FILIP1: variants seen among roughly 807,000 people sequenced by gnomAD.
FILIP1 encodes the protein filamin-A-interacting protein 1.
A neutral mutation model predicts 102.1 loss-of-function variants in FILIP1; 61 were observed. The ratio of observed to expected loss-of-function variants is 0.60; its 90% CI spans 0.49 to 0.74. The LOEUF is 0.74. Among genes scored for constraint, FILIP1 ranks in the 30% least tolerant of loss-of-function variants. FILIP1 has a pLI of 0.00. For missense variants in FILIP1, 1,314 were observed against 1,441.2 expected, an observed-to-expected ratio of 0.91 and a Z score of 1.43; for synonymous variants, 491 against 526.9, an observed-to-expected ratio of 0.93 and a Z score of 0.93.
Position 75,313,598 on chromosome 6 carries a change from T to C in FILIP1, c.2234A>G (p.Gln745Arg). The C allele has an allele frequency of 1.2e-6, 2 of 1,610,910 alleles. No homozygotes were observed. Among genetic ancestry groups the C allele is most frequent in the Non-Finnish European group, 8.5e-7 (1 of 1,179,184 alleles). ...MNKEDQLSQL[Q>R]VDYSVLQQRF... ...TTGTTGAAGTACAGAATAATCTACC[T>C]GGAGCTGAGAAAGCTGATCTTCTTT... Residue 745 changes from glutamine (Q) to arginine (R), a missense_variant, in exon 5 of 6, where the codon CAG becomes CGG. Gln to Arg is a conservative substitution (Grantham distance 43). Coordinates refer to ENST00000237172, the MANE Select transcript of FILIP1 (RefSeq NM_015687.5). The surrounding 1 kb of genome is among the most constrained non-coding windows in gnomAD (Gnocchi z 4.2).
chr6:75,300,390 G>T (rs1424399333), intron 6 of FILIP1, among the ~76,000 whole-genome samples: 1 of 152,180 alleles, frequency 6.6e-6, no homozygotes, highest in African/African-American at 2.4e-5. Flanking sequence ...TCTGCCTAGA[G>T]GTACCAGCTT....
At chr6:75,445,369 T>A (rs1778410236) in intron 1 of FILIP1, among the ~76,000 whole-genome samples, 1 of 152,038 alleles carries the variant, frequency 6.6e-6, no homozygotes, top group Non-Finnish European at 1.5e-5. Context: ...GTCCTACTGA[T>A]CTCTCTTCCC....
intron 2 of FILIP1, among the ~76,000 whole-genome samples, chr6:75,369,339 C>T (rs1238415399): frequency 6.6e-6 from 1 of 152,078 alleles, no homozygotes; most frequent in African/African-American, 2.4e-5. Context: ...CAGGACAGTC[C>T]CAGGCAAACC....
At chr6:75,303,785 G>GGATA (rs373392306), downstream of FILIP1, among the ~76,000 whole-genome samples, 173 of 151,762 alleles carry the variant, frequency 1.1e-3, no homozygotes, top group Middle Eastern at 0.01. Flanking sequence ...GAGAGAGAGA[G>GGATA]GATAGATAGA....
intron 2 of FILIP1, among the ~76,000 whole-genome samples, chr6:75,384,194 AT>A (rs1438073247): frequency 2.0e-5 from 3 of 152,220 alleles, no homozygotes; most frequent in Non-Finnish European, 2.9e-5. Flanking sequence ...TACAAAAAAA[AT>A]TCCAAGGAAA....
intron 2 of FILIP1, among the ~76,000 whole-genome samples, chr6:75,400,549 A>C (rs1013225005): frequency 6.6e-6 from 1 of 152,190 alleles, no homozygotes; most frequent in Non-Finnish European, 1.5e-5. Context: ...GGAGAAGGTT[A>C]GAAAAAGGTG....
At chr6:75,309,735 T>A (rs934048284) in intron 5 of FILIP1, among the ~76,000 whole-genome samples, 1 of 152,192 alleles carries the variant, frequency 6.6e-6, no homozygotes, top group Non-Finnish European at 1.5e-5. Flanking sequence ...TTTCTCATCT[T>A]ATTCTCCCAG....
rs936453215 is a variant in FILIP1, at chr6:75,493,646, A to C, written c.-239T>G. 1 of 152,222 alleles carries C rather than the reference A, an allele frequency of 6.6e-6. No individual in the cohort carries two copies. The highest frequency in any genetic ancestry group is 1.5e-5 in the Non-Finnish European group (1 of 68,038). The allele number at this position is 152,222 out of a possible 1,614,324, so 9.4% of individuals were successfully genotyped here. A position where few individuals can be genotyped will look rare whatever the true frequency, so the allele number is the denominator to read the frequency against. On this transcript the variant is annotated 5_prime_UTR_variant, in exon 1 of 6. The change creates a new upstream start codon in the 5' untranslated region. Transcript: ENST00000237172. ...AGGGAAAGCAGCTTCTTCTCCCTGA[A>C]ATCCCGATCAGCAGAAATTGGAAGT... is the stretch of plus-strand genomic sequence containing the variant.
chr6:75,347,191 G>T (rs1438133632), intron 4 of FILIP1, among the ~76,000 whole-genome samples: 1 of 152,174 alleles, frequency 6.6e-6, no homozygotes, highest in African/African-American at 2.4e-5. Context: ...AAAAAACTCA[G>T]TTCAAACCCT....
intron 4 of FILIP1, chr6:75,319,510 G>C: frequency 1.7e-6 from 1 of 583,048 alleles, no homozygotes; most frequent in South Asian, 1.4e-5. Context: ...CAGCAGACAT[G>C]GTCTTCTACC....
intron 1 of FILIP1, among the ~76,000 whole-genome samples, chr6:75,433,587 G>C (rs1777904433): frequency 6.6e-6 from 1 of 152,080 alleles, no homozygotes; most frequent in Non-Finnish European, 1.5e-5. Context: ...TTTGTAAGAT[G>C]GATAGATTCT....
chr6:75,380,544 TA>T, intron 2 of FILIP1, among the ~76,000 whole-genome samples: 1 of 152,164 alleles, frequency 6.6e-6, no homozygotes, highest in Non-Finnish European at 1.5e-5. Context: ...CATATGACTC[TA>T]AAAAGTAACT....
chr6:75,400,241 C>T lies in FILIP1; in HGVS notation c.276+14456G>A, dbSNP rs1478523572. On this transcript the variant is annotated intron_variant, in intron 2 of 5. Transcript: ENST00000237172. Reference sequence around the variant, plus strand: ...AACCCTTTGCATTTAACATGCAATACTTTAGAAAAAAATTGAACTGGAAAT... The same window carrying T: ...AACCCTTTGCATTTAACATGCAATATTTTAGAAAAAAATTGAACTGGAAAT... 2.0e-5 allele frequency among the ~76,000 whole-genome samples: 3 copies of T among 152,082 alleles called. No individual in the cohort carries two copies. In the East Asian group the frequency reaches 5.8e-4, roughly 29 times the overall value.
At chr6:75,489,435 G>A (rs117339665) in intron 1 of FILIP1, among the ~76,000 whole-genome samples, 1,680 of 152,002 alleles carry the variant, frequency 0.011, 21 homozygotes, top group Admixed American at 0.034. Flanking sequence ...CAAACTATCC[G>A]CATCCAAGAA....
chr6:75,305,951 C>T (rs1772972989), downstream of FILIP1, among the ~76,000 whole-genome samples: 1 of 152,132 alleles, frequency 6.6e-6, no homozygotes, highest in Non-Finnish European at 1.5e-5. Flanking sequence ...GAAAATATTG[C>T]AAAGTTTTCA....
rs1338912225 is a variant in FILIP1 at position 75,308,424 on chromosome 6, T to C, written c.*267A>G. On this transcript the variant is annotated 3_prime_UTR_variant, in exon 6 of 6. Transcript: ENST00000237172. The stretch of plus-strand genomic sequence containing the variant: ...GAGGAAACAGGCTCAGATGGGTCTA[T>C]TGATGGGTCCACTTGCTAGAAGCAA... The C allele has an allele frequency of 3.2e-6, 4 of 1,244,924 alleles. No individual in the cohort carries two copies. The highest frequency in any genetic ancestry group is 4.1e-6 in the Non-Finnish European group (4 of 969,012). 77.1% of individuals were successfully genotyped at this position (1,244,924 alleles called of 1,614,324 possible).
chr6:75,434,948 C>T (rs548384552), intron 1 of FILIP1, among the ~76,000 whole-genome samples: 4 of 152,226 alleles, frequency 2.6e-5, no homozygotes, highest in Admixed American at 6.5e-5. Context: ...GATAATCATG[C>T]GGGTTTTGTC....
intron 3 of FILIP1, among the ~76,000 whole-genome samples, chr6:75,359,790 G>C (rs1016791528): frequency 2.0e-5 from 3 of 152,154 alleles, no homozygotes; most frequent in African/African-American, 7.2e-5. Context: ...GGAAGAGTAA[G>C]GTCTGATCCC....
At chr6:75,337,354 A>C (rs1349552504) in intron 4 of FILIP1, among the ~76,000 whole-genome samples, 1 of 152,174 alleles carries the variant, frequency 6.6e-6, no homozygotes, top group African/African-American at 2.4e-5. Context: ...TGACCTGACC[A>C]AGTGACTCTT....
Sources: allele counts gnomAD v4.1 joint callset (sites outside exome capture counted in the v4.1 genomes callset), GRCh38; gene constraint gnomAD v4.1.1; non-coding constraint Gnocchi (gnomAD v3.1); transcripts MANE v1.5; gene names NCBI Gene and HGNC (gene_info 2026-07-23, HGNC 2026-07-21).